ATOX1: variants seen among roughly 807,000 people sequenced by gnomAD.
ATOX1 encodes copper transport protein ATOX1.
A neutral mutation model predicts 7.3 loss-of-function variants in ATOX1; 4 were observed. The observed-to-expected ratio is 0.55, with a 90% CI of 0.27 to 1.25. ATOX1 has a LOEUF of 1.25. Ranked by LOEUF, ATOX1 falls within the 50% of genes most tolerant of loss-of-function variation. ATOX1 has a pLI of 0.12. For missense variants in ATOX1, 68 were observed against 81.6 expected (o/e 0.83, Z 0.64); for synonymous variants, 25 against 28.7 (o/e 0.87, Z 0.41).
intron 2 of ATOX1, among the ~76,000 whole-genome samples, chr5:151,748,298 C>T (rs1361545215): frequency 6.6e-6 from 1 of 152,070 alleles, no homozygotes; most frequent in Non-Finnish European, 1.5e-5. Flanking sequence ...GGCAGGGAGT[C>T]GGTGGGAGGA....
chr5:151,758,616 G>C lies in ATOX1; in HGVS notation c.-65C>G, dbSNP rs542063280. 6 of 1,363,212 alleles carry C rather than the reference G, an allele frequency of 4.4e-6. No homozygotes were observed. In the South Asian group the frequency reaches 9.0e-5, roughly 20 times the overall value. The allele number at this position is 1,363,212 out of a possible 1,614,324, so 84.4% of individuals were successfully genotyped here. A position where few individuals can be genotyped will look rare whatever the true frequency, so the allele number is the denominator to read the frequency against. On this transcript the variant is annotated 5_prime_UTR_variant, in exon 1 of 4. Coordinates refer to ENST00000313115, the MANE Select transcript of ATOX1 (RefSeq NM_004045.4). ...TGTCAGCAGCGCCTCTCTGGATTCG[G>C]AGGGCGGGTTCGGCTGCGCTTCCGA...
intron 1 of ATOX1, chr5:151,752,545 C>G: frequency 3.4e-6 from 2 of 594,198 alleles, no homozygotes; most frequent in African/African-American, 1.9e-5. Flanking sequence ...ATACTTGGAA[C>G]AGTGCCTGGA....
intron 1 of ATOX1, 150 bp from the exon 2 acceptor site, chr5:151,751,929 A>G: frequency 3.0e-6 from 2 of 675,954 alleles, no homozygotes; most frequent in Non-Finnish European, 5.1e-6. Flanking sequence ...CCTGTTTCTG[A>G]GCCCGTCTCT....
intron 1 of ATOX1, among the ~76,000 whole-genome samples, chr5:151,755,624 G>A (rs535237054): frequency 1.1e-4 from 17 of 152,274 alleles, no homozygotes; most frequent in Non-Finnish European, 2.4e-4. Context: ...ACAGGGAGTA[G>A]GTCCCATCCC....
chr5:151,753,980 T>C (rs576692443), intron 1 of ATOX1: 1 of 152,210 alleles, frequency 6.6e-6, no homozygotes, highest in South Asian at 2.1e-4. Context: ...AACCACTCCT[T>C]TTATTAAGGC....
At chr5:151,749,767 G>A (rs528441273) in intron 2 of ATOX1, among the ~76,000 whole-genome samples, 6 of 151,556 alleles carry the variant, frequency 4.0e-5, no homozygotes, top group South Asian at 2.1e-4. Context: ...ACCCAGGCCC[G>A]AGAAAGAAGG....
At chr5:151,758,074 A>T (rs1220498389) in intron 1 of ATOX1, among the ~76,000 whole-genome samples, 2 of 152,214 alleles carry the variant, frequency 1.3e-5, no homozygotes, top group Non-Finnish European at 2.9e-5. Flanking sequence ...CAGGGAAATT[A>T]AGAAAAGCAT....
intron 1 of ATOX1, among the ~76,000 whole-genome samples, chr5:151,756,213 A>C (rs1762014760): frequency 6.6e-6 from 1 of 151,946 alleles, no homozygotes; most frequent in African/African-American, 2.4e-5. Flanking sequence ...AAGTGCTGGG[A>C]TTACAGGCAT....
rs1039728290 is a variant in ATOX1 at position 151,746,279 on chromosome 5, C to G, written c.*46G>C. On this transcript the variant is annotated splice_region_variant and 3_prime_UTR_variant, in exon 3 of 4. Transcript: ENST00000313115. ...CAGCAAGTGCTGGGGCCTTACCCAC[C>G]TGCCCCCTTTGGTCCATCCTGTGGG... The G allele has an allele frequency of 1.9e-6, 3 of 1,608,292 alleles. No homozygotes were observed. Among genetic ancestry groups the G allele is most frequent in the African/African-American group, 1.3e-5 (1 of 74,804 alleles).
intron 1 of ATOX1, among the ~76,000 whole-genome samples, chr5:151,757,012 C>T (rs566384488): frequency 9.2e-5 from 14 of 152,358 alleles, no homozygotes; most frequent in African/African-American, 3.4e-4. Context: ...CACAGATTTT[C>T]AGAGGTTTCT....
rs1288133123 is a variant in ATOX1 at position 151,758,451 on chromosome 5, A to G, written c.6+95T>C. On this transcript the variant is annotated intron_variant, in intron 1 of 3. Coordinates refer to ENST00000313115, the MANE Select transcript of ATOX1 (RefSeq NM_004045.4). ...CAACAGCGGCTCCGGCCGCCGCCTG[A>G]GCCCTTCAAGATCAGCATCCGGTCA... is the stretch of plus-strand genomic sequence containing the variant. 2.2e-5 allele frequency: 31 copies of G among 1,392,816 alleles called. No homozygotes were observed. In the Middle Eastern group the frequency reaches 7.6e-4, roughly 34 times the overall value. 86.3% of individuals were successfully genotyped at this position (1,392,816 alleles called of 1,614,324 possible).
chr5:151,758,520 G>C, intron 1 of ATOX1, 26 bp downstream of exon 1: 1 of 1,479,166 alleles, frequency 6.8e-7, no homozygotes, highest in Non-Finnish European at 9.0e-7. Context: ...GCAAGTCTGC[G>C]TGGCGGGGAC....
intron 1 of ATOX1, among the ~76,000 whole-genome samples, chr5:151,754,883 C>G (rs1193811779): frequency 6.7e-6 from 1 of 149,684 alleles, no homozygotes; most frequent in Admixed American, 6.8e-5. Flanking sequence ...ACTCAAGAGG[C>G]TGAGGCAGGA....
intron 3 of ATOX1, chr5:151,743,687 C>T (rs1474214151): frequency 1.3e-5 from 2 of 152,186 alleles, no homozygotes; most frequent in East Asian, 3.9e-4. Flanking sequence ...CCAGATGAAA[C>T]AATGAGGACA....
At position 151,752,149 on chromosome 5, in the gene ATOX1, C is replaced by G; in HGVS notation, c.7-370G>C. The G allele has an allele frequency of 4.6e-6, 3 of 648,148 alleles. No individual in the cohort carries two copies. The South Asian group carries it at 5.2e-5, about 11-fold the overall frequency. 40.1% of individuals were successfully genotyped at this position (648,148 alleles called of 1,614,324 possible). On this transcript the variant is annotated intron_variant, in intron 1 of 3. Transcript: ENST00000313115. ...CACCAGTAACTCTGACAGGGATGGGCCCCCATACTCTGAGCAATGCTGATC... is the reference window on the plus strand; with the variant it reads ...CACCAGTAACTCTGACAGGGATGGGGCCCCATACTCTGAGCAATGCTGATC...
intron 2 of ATOX1, among the ~76,000 whole-genome samples, chr5:151,750,986 G>C (rs1761942185): frequency 6.6e-6 from 1 of 151,850 alleles, no homozygotes; most frequent in Admixed American, 6.6e-5. Flanking sequence ...GCTGCGTAGG[G>C]TGGCTCGCGC....
intron 3 of ATOX1, chr5:151,743,934 T>A (rs1161100065): frequency 6.6e-6 from 1 of 152,204 alleles, no homozygotes; most frequent in Non-Finnish European, 1.5e-5. Context: ...ATAAAAAATC[T>A]AAAGTAGATT....
At chr5:151,755,335 T>C (rs988993083) in intron 1 of ATOX1, among the ~76,000 whole-genome samples, 5 of 152,194 alleles carry the variant, frequency 3.3e-5, no homozygotes, top group Admixed American at 6.5e-5. Context: ...AGAGAGCTAT[T>C]TATCTTATTT....
At chr5:151,744,441 A>G (rs1421380809) in intron 3 of ATOX1, 1 of 152,230 alleles carries the variant, frequency 6.6e-6, no homozygotes, top group East Asian at 1.9e-4. Context: ...ATGTCTTGTG[A>G]ATTTCATCTC....
Sources: allele counts gnomAD v4.1 joint callset (sites outside exome capture counted in the v4.1 genomes callset), GRCh38; gene constraint gnomAD v4.1.1; transcripts MANE v1.5; gene names NCBI Gene and HGNC (gene_info 2026-07-23, HGNC 2026-07-21).